The following CRPPA variants were observed in gnomAD, a reference collection of about 807,000 sequenced individuals.
The protein encoded by CRPPA is D-ribitol-5-phosphate cytidylyltransferase.
CRPPA carries 43 observed loss-of-function variants against 52.0 expected under a neutral mutation model. The observed-to-expected ratio is 0.83, with a 90% CI of 0.65 to 1.07. The LOEUF (loss-of-function observed/expected upper bound fraction) is 1.07. Ranked by LOEUF, CRPPA falls within the 50% of genes least tolerant of loss-of-function variation. The pLI is 0.00. For missense variants in CRPPA, 629 were observed against 551.7 expected (o/e 1.14, Z -1.40); for synonymous variants, 250 against 203.5 (o/e 1.23, Z -1.94).
chr7:16,408,324 AC>A (rs764980536), intron 1 of CRPPA, among the ~76,000 whole-genome samples: 83 of 152,148 alleles, frequency 5.5e-4, no homozygotes, highest in Non-Finnish European at 1.0e-3. Flanking sequence ...GGGAGTTTGC[AC>A]TGAGACACAA....
intron 9 of CRPPA, among the ~76,000 whole-genome samples, chr7:16,125,631 G>T (rs928796507): frequency 1.3e-5 from 2 of 152,082 alleles, no homozygotes; most frequent in African/African-American, 4.8e-5. Flanking sequence ...TCGTAAATAA[G>T]CAAGTGTCAC....
Position 16,278,233 on chromosome 7 carries a change from T to C in CRPPA, c.836-7A>G. 6.9e-7 allele frequency: 1 copy of C among 1,456,988 alleles called. No individual in the cohort carries two copies. Among genetic ancestry groups the C allele is most frequent in the African/African-American group, 1.5e-5 (1 of 68,774 alleles). 90.3% of individuals were successfully genotyped at this position (1,456,988 alleles called of 1,614,324 possible). A position where few individuals can be genotyped will look rare whatever the true frequency, so the allele number is the denominator to read the frequency against. The stretch of plus-strand genomic sequence containing the variant: ...ATCTCTTGGGAAATTCTCTCTGAAA[T>C]TAAAAAAAAAAAGTTTTAAGTTTCA... On this transcript the variant is annotated splice_polypyrimidine_tract_variant and splice_region_variant and intron_variant, in intron 5 of 9. Transcript: ENST00000407010.
intron 8 of CRPPA, among the ~76,000 whole-genome samples, chr7:16,230,863 C>G (rs1782774672): frequency 6.6e-6 from 1 of 152,018 alleles, no homozygotes; most frequent in African/African-American, 2.4e-5. Context: ...TGCACTGGAA[C>G]TGGCCAGAAG....
chr7:16,329,368 T>C (rs745913591), intron 3 of CRPPA, among the ~76,000 whole-genome samples: 1 of 139,732 alleles, frequency 7.2e-6, no homozygotes, highest in Non-Finnish European at 1.6e-5. Flanking sequence ...CAAAATAGAT[T>C]CTTATTAAAA....
chr7:16,254,782 A>C (rs1783572088), intron 8 of CRPPA, among the ~76,000 whole-genome samples: 1 of 134,646 alleles, frequency 7.4e-6, no homozygotes, highest in African/African-American at 2.8e-5. Context: ...AGAAAGAAAG[A>C]AAGAAAGAAG....
chr7:16,400,465 C>T (rs1787782220), intron 2 of CRPPA, among the ~76,000 whole-genome samples: 1 of 152,142 alleles, frequency 6.6e-6, no homozygotes, highest in Non-Finnish European at 1.5e-5. Flanking sequence ...TGACACATGA[C>T]CGACACCTGA....
At chr7:16,263,246 T>C (rs1016182018) in intron 6 of CRPPA, among the ~76,000 whole-genome samples, 22 of 152,322 alleles carry the variant, frequency 1.4e-4, no homozygotes, top group African/African-American at 4.3e-4. Context: ...AGTCTACTTA[T>C]ATTCTACCTA....
At chr7:16,213,010 T>G (rs529642166) in intron 9 of CRPPA, among the ~76,000 whole-genome samples, 31 of 152,356 alleles carry the variant, frequency 2.0e-4, no homozygotes, top group African/African-American at 7.5e-4. Context: ...TTAAAATTTT[T>G]ACTGTCACAG....
At chr7:16,386,217 C>A (rs1199350228) in intron 2 of CRPPA, among the ~76,000 whole-genome samples, 1 of 152,126 alleles carries the variant, frequency 6.6e-6, no homozygotes, top group Non-Finnish European at 1.5e-5. Flanking sequence ...GGTCAATCTT[C>A]TCTCTGACCA....
chr7:16,148,752 G>C lies in CRPPA; in HGVS notation c.1252-56953C>G, dbSNP rs540093656. ...AGTCAATAAGACAGACCAAGTCCGT[G>C]ATAATATTATGGAATGCATTAGCTA... is the stretch of plus-strand genomic sequence containing the variant. On this transcript the variant is annotated intron_variant, in intron 9 of 9. Transcript: ENST00000407010. 2.0e-5 allele frequency among the ~76,000 whole-genome samples: 3 copies of C among 152,174 alleles called. No individual in the cohort carries two copies. The South Asian group carries it at 6.2e-4, about 32-fold the overall frequency.
chr7:16,160,378 C>G (rs1783277114), intron 9 of CRPPA, among the ~76,000 whole-genome samples: 1 of 152,154 alleles, frequency 6.6e-6, no homozygotes, highest in South Asian at 2.1e-4. Context: ...TTTCAGTTTT[C>G]TGCATATGGC....
chr7:16,373,368 A>C (rs1447274555), intron 3 of CRPPA, among the ~76,000 whole-genome samples: 1 of 152,162 alleles, frequency 6.6e-6, no homozygotes, highest in Non-Finnish European at 1.5e-5. Context: ...AAGAGCAAGC[A>C]TGTGGACCAT....
intron 2 of CRPPA, among the ~76,000 whole-genome samples, chr7:16,389,927 AAATATATAT>A (rs1318052826): frequency 1.6e-4 from 11 of 67,684 alleles, no homozygotes; most frequent in African/African-American, 6.2e-4. Context: ...AAAAAAAAAA[AAATATATAT>A]ATATATATAT....
chr7:16,284,674 A>G (rs1328655134), intron 5 of CRPPA, among the ~76,000 whole-genome samples: 1 of 152,114 alleles, frequency 6.6e-6, no homozygotes, highest in Non-Finnish European at 1.5e-5. Context: ...CCATGTTGGC[A>G]TCTCTGATTT....
chr7:16,350,546 A>G (rs1039484669), intron 3 of CRPPA, among the ~76,000 whole-genome samples: 4 of 152,170 alleles, frequency 2.6e-5, no homozygotes, highest in African/African-American at 7.2e-5. Context: ...ATCAACTTAA[A>G]ATAGCCTGTT....
At chr7:16,141,135 T>C (rs1436095008) in intron 9 of CRPPA, among the ~76,000 whole-genome samples, 1 of 152,174 alleles carries the variant, frequency 6.6e-6, no homozygotes, top group Non-Finnish European at 1.5e-5. Flanking sequence ...CCTCCTGTTT[T>C]TTATAATTCA....
intron 8 of CRPPA, among the ~76,000 whole-genome samples, chr7:16,250,978 C>A (rs933130106): frequency 6.6e-6 from 1 of 151,814 alleles, no homozygotes; most frequent in African/African-American, 2.4e-5. Flanking sequence ...ATTCAGGAGA[C>A]CCATCTCACA....
intron 3 of CRPPA, among the ~76,000 whole-genome samples, chr7:16,370,759 G>A (rs1435151786): frequency 6.6e-6 from 1 of 152,012 alleles, no homozygotes; most frequent in African/African-American, 2.4e-5. Context: ...TTGGAGAAGG[G>A]GTCCTTGTCC....
At chr7:16,392,574 A>C (rs189314087) in intron 2 of CRPPA, among the ~76,000 whole-genome samples, 155 of 152,040 alleles carry the variant, frequency 1.0e-3, no homozygotes, top group Admixed American at 8.9e-3. Flanking sequence ...GGGTAGATGC[A>C]CTCCCTCCGG....
Sources: allele counts gnomAD v4.1 joint callset (sites outside exome capture counted in the v4.1 genomes callset), GRCh38; gene constraint gnomAD v4.1.1; transcripts MANE v1.5; gene names NCBI Gene and HGNC (gene_info 2026-07-23, HGNC 2026-07-21).